MAD2L1: variants seen among roughly 807,000 people sequenced by gnomAD.
The protein encoded by MAD2L1 is mitotic spindle assembly checkpoint protein MAD2A.
A neutral mutation model predicts 25.9 loss-of-function variants in MAD2L1; 10 were observed. The observed-to-expected ratio is 0.39, with a 90% CI of 0.24 to 0.66. The LOEUF is 0.66. Among genes scored for constraint, MAD2L1 ranks in the 30% least tolerant of loss-of-function variants. The probability of loss-of-function intolerance (pLI) is 0.49; values close to 1 mark genes in which losing one functional copy is unlikely to be tolerated. For missense variants in MAD2L1, 180 were observed against 246.4 expected, an observed-to-expected ratio of 0.73 and a Z score of 1.80; for synonymous variants, 81 against 91.8, an observed-to-expected ratio of 0.88 and a Z score of 0.67.
At chr4:120,060,358 T>C in intron 4 of MAD2L1, 68 bp from the exon 5 acceptor site, 1 of 1,328,848 alleles carries the variant, frequency 7.5e-7, no homozygotes, top group South Asian at 1.6e-5. Context: ...GCTGCCTCTC[T>C]TCTATTTTGA....
chr4:120,061,587 A>G (rs1033431122), intron 3 of MAD2L1, among the ~76,000 whole-genome samples: 1 of 152,164 alleles, frequency 6.6e-6, no homozygotes, highest in Non-Finnish European at 1.5e-5. Flanking sequence ...AGTAGATGGC[A>G]TTAAAGGAAG....
rs139292947 is a variant in MAD2L1 at position 120,058,244 on chromosome 4, T to C, written c.*1874A>G. 3.3e-5 allele frequency: 5 copies of C among 152,228 alleles called. No individual in the cohort carries two copies. The highest frequency in any genetic ancestry group is 3.9e-4 in the East Asian group (2 of 5,174). 9.4% of individuals were successfully genotyped at this position (152,228 alleles called of 1,614,324 possible). On this transcript the variant is annotated 3_prime_UTR_variant, in exon 5 of 5. Coordinates refer to ENST00000296509, the MANE Select transcript of MAD2L1 (RefSeq NM_002358.4). ...AGCTCTCCAGAAACCTCAGAGTAAATAGTAGCATGCAAATGATACAAAAAT... is the reference window on the plus strand; with the variant it reads ...AGCTCTCCAGAAACCTCAGAGTAAACAGTAGCATGCAAATGATACAAAAAT...
chr4:120,061,103 A>G, intron 3 of MAD2L1, 126 bp from the exon 4 acceptor site: 2 of 588,586 alleles, frequency 3.4e-6, no homozygotes, highest in African/African-American at 3.8e-5. Context: ...TATTTGAGAA[A>G]GGAGGTTTGT....
At chr4:120,066,301 A>G (rs1395218865) in intron 1 of MAD2L1, among the ~76,000 whole-genome samples, 2 of 152,046 alleles carry the variant, frequency 1.3e-5, no homozygotes. Flanking sequence ...CCTCATGCCC[A>G]ATAATCACTT....
At chr4:120,063,579 T>C (rs895340385) in intron 2 of MAD2L1, among the ~76,000 whole-genome samples, 1 of 152,190 alleles carries the variant, frequency 6.6e-6, no homozygotes, top group Non-Finnish European at 1.5e-5. Context: ...GGGTGGTAAT[T>C]TGCTCTTCCT....
Position 120,064,995 on chromosome 4 carries a change from AAACT to A in MAD2L1, c.220+673_220+676del, listed in dbSNP as rs536055060. ...CTAAGTGGAGGGTAACACGAAAGAA[AAACT>A]AACAGGAATTCTAGAAAGGAAAAAG... On this transcript the variant is annotated intron_variant, in intron 2 of 4. Transcript: ENST00000296509. Among the ~76,000 whole-genome samples, 15 of 152,372 alleles carry A rather than the reference AAACT, an allele frequency of 9.8e-5. No homozygotes were observed. The East Asian group carries it at 2.7e-3, about 27-fold the overall frequency.
At position 120,059,117 on chromosome 4, in the gene MAD2L1, T is replaced by A. The variant is rs1726161852; in HGVS notation, c.*1001A>T. ...TAGTATTTAAGTATATAAGGAAAAG[T>A]AGGCTGACAATAAGGCTAAGAGTAT... On this transcript the variant is annotated 3_prime_UTR_variant, in exon 5 of 5. Transcript: ENST00000296509. The A allele has an allele frequency of 6.6e-6, 1 of 152,168 alleles. No individual in the cohort carries two copies. 9.4% of individuals were successfully genotyped at this position (152,168 alleles called of 1,614,324 possible). A position where few individuals can be genotyped will look rare whatever the true frequency, so the allele number is the denominator to read the frequency against.
chr4:120,064,125 A>C (rs1726273309), intron 2 of MAD2L1, among the ~76,000 whole-genome samples: 1 of 152,224 alleles, frequency 6.6e-6, no homozygotes, highest in South Asian at 2.1e-4. Context: ...CAAAGGAGAC[A>C]ACCTAAAAAC....
At chr4:120,065,941 GTATCTTGC>G in intron 1 of MAD2L1, 123 bp from the exon 2 acceptor site, 1 of 893,944 alleles carries the variant, frequency 1.1e-6, no homozygotes, top group South Asian at 2.1e-5. Flanking sequence ...GAACACACGT[GTATCTTGC>G]TGAAAGCAGA....
At chr4:120,061,017 C>A in intron 3 of MAD2L1, 40 bp from the exon 4 acceptor site, 1 of 1,202,654 alleles carries the variant, frequency 8.3e-7, no homozygotes, top group Non-Finnish European at 1.2e-6. Flanking sequence ...CATTTCAGGT[C>A]TTAACAAATT....
chr4:120,061,878 T>C, intron 3 of MAD2L1, 97 bp downstream of exon 3: 2 of 925,864 alleles, frequency 2.2e-6, no homozygotes, highest in Non-Finnish European at 3.1e-6. Context: ...CTATATTTTA[T>C]ATAAAACTAG....
chr4:120,059,042 T>G lies in MAD2L1; in HGVS notation c.*1076A>C, dbSNP rs553936035. ...CTTGGAAAAACAGGTGAGAACTGGA[T>G]AGAAAGCATGTACCAGATGAGGGTA... On this transcript the variant is annotated 3_prime_UTR_variant, in exon 5 of 5. Transcript: ENST00000296509. 2.0e-4 allele frequency: 30 copies of G among 152,230 alleles called. No homozygotes were observed. Among genetic ancestry groups the G allele is most frequent in the African/African-American group, 7.2e-4 (30 of 41,548 alleles). 9.4% of individuals were successfully genotyped at this position (152,230 alleles called of 1,614,324 possible).
At position 120,057,642 on chromosome 4, in the gene MAD2L1, T is replaced by C. The variant is rs996726110; in HGVS notation, c.*2476A>G. On this transcript the variant is annotated 3_prime_UTR_variant, in exon 5 of 5. Transcript: ENST00000296509. ...AGAGTCCAGGCCAGGCCTAGAGGCC[T>C]ATCATGCTGTCTTAGAACCTTCTCT... The C allele has an allele frequency of 6.6e-6, 1 of 152,284 alleles. No homozygotes were observed. The highest frequency in any genetic ancestry group is 2.4e-5 in the African/African-American group (1 of 41,468). The allele number at this position is 152,284 out of a possible 1,614,324, so 9.4% of individuals were successfully genotyped here.
chr4:120,066,459 G>A (rs946219303), intron 1 of MAD2L1, among the ~76,000 whole-genome samples: 1 of 152,174 alleles, frequency 6.6e-6, no homozygotes, highest in Non-Finnish European at 1.5e-5. Context: ...CTTAAAGGAA[G>A]AAACGCTCCG....
rs896014461 is a variant in MAD2L1 at position 120,060,024 on chromosome 4, A to C, written c.*94T>G. The C allele has an allele frequency of 1.4e-4, 151 of 1,113,680 alleles. No homozygotes were observed. The highest frequency in any genetic ancestry group is 1.8e-4 in the Non-Finnish European group (141 of 782,218). The allele number at this position is 1,113,680 out of a possible 1,614,324, so 69.0% of individuals were successfully genotyped here. Reference sequence around the variant, plus strand: ...TTTTGGTTTTCTCCATGTAAAAATTAACCAATGAAATAAAACATATCAACT... The same window carrying C: ...TTTTGGTTTTCTCCATGTAAAAATTCACCAATGAAATAAAACATATCAACT... On this transcript the variant is annotated 3_prime_UTR_variant, in exon 5 of 5. Transcript: ENST00000296509.
Position 120,066,731 on chromosome 4 carries a change from C to T in MAD2L1, c.4G>A (p.Ala2Thr), listed in dbSNP as rs943699870. 1.6e-5 allele frequency: 25 copies of T among 1,598,848 alleles called. No homozygotes were observed. The highest frequency in any genetic ancestry group is 2.0e-5 in the Non-Finnish European group (23 of 1,169,214). Reference protein sequence around the residue: MALQLSREQGIT... With the variant: MTLQLSREQGIT... ...CCCTGCTCCCGGGAGAGCTGCAGCGCCATGGCCAGGGACACAAACAAAAGC... is the reference window on the plus strand; with the variant it reads ...CCCTGCTCCCGGGAGAGCTGCAGCGTCATGGCCAGGGACACAAACAAAAGC... Residue 2 changes from alanine (A) to threonine (T), a missense_variant, in exon 1 of 5, where the codon GCG becomes ACG. Transcript: ENST00000296509.
At position 120,055,658 on chromosome 4, in the gene MAD2L1, A is replaced by G. The variant is rs1726096179; in HGVS notation, c.*4460T>C. On this transcript the variant is annotated 3_prime_UTR_variant, in exon 5 of 5. Coordinates refer to ENST00000296509, the MANE Select transcript of MAD2L1 (RefSeq NM_002358.4). ...TAAACTTTTATCAGTCACATTGAACAAAATAACTAGAAATATTTCATACAT... is the reference window on the plus strand; with the variant it reads ...TAAACTTTTATCAGTCACATTGAACGAAATAACTAGAAATATTTCATACAT... 6.6e-6 allele frequency: 1 copy of G among 152,164 alleles called. No individual in the cohort carries two copies. The highest frequency in any genetic ancestry group is 6.5e-5 in the Admixed American group (1 of 15,278). 9.4% of individuals were successfully genotyped at this position (152,164 alleles called of 1,614,324 possible). A position where few individuals can be genotyped will look rare whatever the true frequency, so the allele number is the denominator to read the frequency against.
In MAD2L1 at chr4:120,060,170, G is replaced by A. The variant is rs1382805009; in HGVS notation, c.566C>T (p.Thr189Ile). ...EEVRLRSFTT[T>I]IHKVNSMVAY... is the part of the protein sequence containing the mutation. ...CACCATGCTATTTACTTTGTGGATTGTAGTAGTAAATGAACGAAGGCGGAC... is the reference window on the plus strand; with the variant it reads ...CACCATGCTATTTACTTTGTGGATTATAGTAGTAAATGAACGAAGGCGGAC... Residue 189 changes from threonine to isoleucine, a missense_variant, in exon 5 of 5, where the codon ACA becomes ATA. Thr to Ile is a moderately conservative substitution (Grantham distance 89). Coordinates refer to ENST00000296509, the MANE Select transcript of MAD2L1 (RefSeq NM_002358.4). The A allele has an allele frequency of 6.2e-7, 1 of 1,611,876 alleles. No individual in the cohort carries two copies. The highest frequency in any genetic ancestry group is 1.7e-5 in the Admixed American group (1 of 60,028).
Position 120,057,970 on chromosome 4 carries a change from TCTC to T in MAD2L1, c.*2145_*2147del, listed in dbSNP as rs1726138395. 1 of 152,196 alleles carries T rather than the reference TCTC, an allele frequency of 6.6e-6. No individual in the cohort carries two copies. Among genetic ancestry groups the T allele is most frequent in the African/African-American group, 2.4e-5 (1 of 41,412 alleles). 9.4% of individuals were successfully genotyped at this position (152,196 alleles called of 1,614,324 possible). A position where few individuals can be genotyped will look rare whatever the true frequency, so the allele number is the denominator to read the frequency against. Reference sequence around the variant, plus strand: ...CTCCACCTCATGGGTTCAAGCGATTTCTCCTGCCTCAGCCTCCCAAGTAGCTGA... The same window carrying T: ...CTCCACCTCATGGGTTCAAGCGATTTCTGCCTCAGCCTCCCAAGTAGCTGA... On this transcript the variant is annotated 3_prime_UTR_variant, in exon 5 of 5. Coordinates refer to ENST00000296509, the MANE Select transcript of MAD2L1 (RefSeq NM_002358.4).
Sources: allele counts gnomAD v4.1 joint callset (sites outside exome capture counted in the v4.1 genomes callset), GRCh38; gene constraint gnomAD v4.1.1; transcripts MANE v1.5; gene names NCBI Gene and HGNC (gene_info 2026-07-23, HGNC 2026-07-21).